ABHD3: variants seen among roughly 807,000 people sequenced by gnomAD.
The protein encoded by ABHD3 is phospholipase ABHD3.
A neutral mutation model predicts 48.8 loss-of-function variants in ABHD3; 46 were observed. The observed-to-expected ratio is 0.94, with a 90% CI of 0.74 to 1.20. The LOEUF (loss-of-function observed/expected upper bound fraction) is 1.20. ABHD3 is among the 50% of genes most tolerant of loss of function. The pLI is 0.00. For synonymous variants in ABHD3, 192 were observed against 183.7 expected (o/e 1.04, Z -0.36); for missense variants, 490 against 497.8 (o/e 0.98, Z 0.15).
intron 4 of ABHD3, chr18:21,683,528 C>T (rs1448404888): frequency 3.9e-6 from 2 of 511,546 alleles, no homozygotes; most frequent in South Asian, 1.5e-5. Context: ...AAAAATGAGG[C>T]CTTCTCTTCC....
intron 6 of ABHD3, among the ~76,000 whole-genome samples, chr18:21,658,789 C>G (rs985036856): frequency 1.3e-5 from 2 of 151,070 alleles, no homozygotes; most frequent in African/African-American, 2.4e-5. Context: ...GGTAGTATTA[C>G]GCTTTAAATT....
At chr18:21,684,552 A>G (rs902081878) in intron 3 of ABHD3, among the ~76,000 whole-genome samples, 1 of 151,740 alleles carries the variant, frequency 6.6e-6, no homozygotes, top group African/African-American at 2.4e-5. Flanking sequence ...TGAACTCCTG[A>G]CCTCAGGTGA....
chr18:21,693,066 G>A (rs537972119), intron 3 of ABHD3, among the ~76,000 whole-genome samples: 5 of 152,164 alleles, frequency 3.3e-5, no homozygotes, highest in Non-Finnish European at 7.3e-5. Context: ...GCACACTGTT[G>A]TCTCTGGGCT....
chr18:21,690,072 A>G (rs1568159267), intron 3 of ABHD3, among the ~76,000 whole-genome samples: 1 of 151,738 alleles, frequency 6.6e-6, no homozygotes. Flanking sequence ...AGTAGCTACT[A>G]TAACTCAAGG....
chr18:21,657,408 C>T (rs915020608), intron 6 of ABHD3, among the ~76,000 whole-genome samples: 3 of 151,094 alleles, frequency 2.0e-5, no homozygotes, highest in Admixed American at 6.6e-5. Flanking sequence ...GGCATGATCA[C>T]GGCTCACTGC....
chr18:21,704,321 A>G (rs1727366885), intron 1 of ABHD3, among the ~76,000 whole-genome samples, 183 bp downstream of exon 1: 1 of 152,064 alleles, frequency 6.6e-6, no homozygotes, highest in Admixed American at 6.5e-5. Context: ...CGGGACCCCC[A>G]GGGGGCGGGC....
At chr18:21,668,200 C>CAAAAAAAAAAAA (rs747590942) in intron 4 of ABHD3, among the ~76,000 whole-genome samples, 8 of 61,324 alleles carry the variant, frequency 1.3e-4, no homozygotes, top group African/African-American at 2.3e-4. Context: ...GAATCTATCT[C>CAAAAAAAAAAAA]AAAAAAAAAA....
chr18:21,665,391 C>T (rs992469774), intron 4 of ABHD3, among the ~76,000 whole-genome samples: 4 of 151,990 alleles, frequency 2.6e-5, no homozygotes, highest in Non-Finnish European at 5.9e-5. Context: ...AGGCATGCAC[C>T]ACCATGCCTG....
chr18:21,693,796 G>GA (rs1208841642), intron 3 of ABHD3, among the ~76,000 whole-genome samples: 1 of 152,158 alleles, frequency 6.6e-6, no homozygotes, highest in African/African-American at 2.4e-5. Context: ...ACAACAAAAT[G>GA]AGTTACTGAG....
At chr18:21,702,552 TA>T in intron 2 of ABHD3, 54 bp from the exon 3 acceptor site, 1 of 1,357,762 alleles carries the variant, frequency 7.4e-7, no homozygotes, top group Non-Finnish European at 9.6e-7. Context: ...AGTCATGTCT[TA>T]ATTTTAATTC....
chr18:21,692,154 C>T (rs146754191), intron 3 of ABHD3, among the ~76,000 whole-genome samples: 245 of 152,136 alleles, frequency 1.6e-3, no homozygotes, highest in African/African-American at 5.2e-3. Flanking sequence ...TTCACCATGT[C>T]GGCCAGGCTG....
chr18:21,680,770 T>C (rs180977621), intron 4 of ABHD3, among the ~76,000 whole-genome samples: 5 of 152,292 alleles, frequency 3.3e-5, no homozygotes, highest in Admixed American at 3.3e-4. Context: ...CTTTAAATAC[T>C]AAGGAGAGTA....
chr18:21,670,284 G>A (rs1170002690), intron 4 of ABHD3, among the ~76,000 whole-genome samples: 1 of 152,108 alleles, frequency 6.6e-6, no homozygotes, highest in East Asian at 1.9e-4. Context: ...AGTGCCAAGG[G>A]GGTAAGGATG....
intron 4 of ABHD3, chr18:21,683,448 G>GA (rs1359439874): frequency 1.1e-4 from 46 of 400,214 alleles, no homozygotes; most frequent in Non-Finnish European, 1.4e-4. Flanking sequence ...TTCATAAGTG[G>GA]AAAAAAAATC....
chr18:21,704,152 G>A (rs2040581342), intron 1 of ABHD3, among the ~76,000 whole-genome samples: 1 of 152,224 alleles, frequency 6.6e-6, no homozygotes, highest in Non-Finnish European at 1.5e-5. Context: ...CTCCCAAAGT[G>A]CTGAGATTAC....
intron 5 of ABHD3, among the ~76,000 whole-genome samples, chr18:21,659,854 G>A (rs567188467): frequency 2.0e-4 from 31 of 152,132 alleles, no homozygotes; most frequent in African/African-American, 6.0e-4. Context: ...ATTTTTAGTG[G>A]AGACGGGGTT....
At chr18:21,682,719 G>A (rs2040032351) in intron 4 of ABHD3, among the ~76,000 whole-genome samples, 1 of 152,144 alleles carries the variant, frequency 6.6e-6, no homozygotes, top group African/African-American at 2.4e-5. Context: ...ATTTCCTTGA[G>A]AGCCTCAGAC....
intron 3 of ABHD3, among the ~76,000 whole-genome samples, chr18:21,685,980 G>A (rs899256818): frequency 6.6e-6 from 1 of 152,206 alleles, no homozygotes; most frequent in Non-Finnish European, 1.5e-5. Context: ...TTACAGGCGT[G>A]AGCCACCGTG....
chr18:21,703,537 A>C (rs377618741), intron 2 of ABHD3, 47 bp downstream of exon 2: 77 of 1,581,964 alleles, frequency 4.9e-5, no homozygotes, highest in African/African-American at 2.3e-4. Flanking sequence ...AAGCAAACAA[A>C]CAACCTGTGA....
Sources: gnomAD v4.1 joint callset for allele counts (sites outside exome capture counted in the v4.1 genomes callset) on GRCh38, gnomAD v4.1.1 for gene constraint, MANE v1.5 for transcripts, NCBI Gene and HGNC (gene_info 2026-07-23, HGNC 2026-07-21) for gene names.